GPD2: variants seen among roughly 807,000 people sequenced by gnomAD.
GPD2 encodes glycerol-3-phosphate dehydrogenase 2.
Under a neutral mutation model 82.4 loss-of-function variants are expected in GPD2, and 54 were observed. The observed-to-expected ratio is 0.66, with a 90% CI of 0.53 to 0.82. The LOEUF (loss-of-function observed/expected upper bound fraction) is 0.82. Ranked by LOEUF, GPD2 falls within the 40% of genes least tolerant of loss-of-function variation. The pLI is 0.00. For synonymous variants in GPD2, 288 were observed against 306.1 expected (o/e 0.94, Z 0.62); for missense variants, 748 against 896.2 (o/e 0.83, Z 2.11).
At chr2:156,435,634 G>A (rs910220155), upstream of GPD2, 5 of 152,290 alleles carry the variant, frequency 3.3e-5, no homozygotes, top group Admixed American at 1.3e-4. Flanking sequence ...AGGAGGCCTG[G>A]CGCGCCTCCA....
chr2:156,551,324 A>G (rs1686751497), intron 8 of GPD2, among the ~76,000 whole-genome samples: 2 of 152,190 alleles, frequency 1.3e-5, no homozygotes, highest in Non-Finnish European at 2.9e-5. Context: ...AATGAAAATC[A>G]TTTAAGCTGG....
At chr2:156,436,605 C>T (rs1358145444) in intron 1 of GPD2, 92 bp downstream of exon 1, 1 of 152,288 alleles carries the variant, frequency 6.6e-6, no homozygotes, top group Non-Finnish European at 1.5e-5. Flanking sequence ...TCTGGGACTC[C>T]AGTCTTGGCG....
At chr2:156,407,398 C>T in the GPD2 span, among the ~76,000 whole-genome samples, 2 of 152,162 alleles carry the variant, frequency 1.3e-5, no homozygotes, top group African/African-American at 2.4e-5. Flanking sequence ...TTTCTCCCCC[C>T]AGAAATATAT....
intron 9 of GPD2, among the ~76,000 whole-genome samples, 161 bp downstream of exon 9, chr2:156,557,743 G>T (rs545157466): frequency 6.6e-6 from 1 of 152,056 alleles, no homozygotes; most frequent in Non-Finnish European, 1.5e-5. Context: ...AACATAATGG[G>T]GAGAAATTGC....
intron 2 of GPD2, among the ~76,000 whole-genome samples, chr2:156,479,278 C>T (rs1683635797): frequency 6.6e-6 from 1 of 152,126 alleles, no homozygotes; most frequent in African/African-American, 2.4e-5. Flanking sequence ...GTTTCACTTA[C>T]CTTTAATGCA....
intron 4 of GPD2, among the ~76,000 whole-genome samples, chr2:156,511,555 A>G (rs1015345424): frequency 2.6e-4 from 39 of 152,070 alleles, no homozygotes; most frequent in Admixed American, 1.2e-3. Context: ...TTTTCTTGAC[A>G]AGTCAGTTTT....
intron 6 of GPD2, among the ~76,000 whole-genome samples, chr2:156,527,848 C>T (rs771283617): frequency 5.9e-5 from 9 of 151,826 alleles, no homozygotes; most frequent in South Asian, 2.1e-4. Flanking sequence ...GTTTTTAACC[C>T]GAGAAATCCT....
In GPD2 at chr2:156,510,830, C is replaced by T. The variant is rs1026314039; in HGVS notation, c.309C>T (p.Phe103=). The T allele has an allele frequency of 4.3e-6, 7 of 1,612,766 alleles. No individual in the cohort carries two copies. The South Asian group carries it at 4.4e-5, about 10-fold the overall frequency. ...CAGCCCTTGTAGAAAGAGATGATTT[C>T]TCATCAGGGACCAGCAGCAGAAGCA... The part of the protein sequence containing the change: ...LKTALVERDD[F]SSGTSSRSTK... Residue 103 remains phenylalanine, a synonymous_variant, in exon 4 of 17, where the codon TTC becomes TTT. Coordinates refer to ENST00000438166, the MANE Select transcript of GPD2 (RefSeq NM_000408.5).
chr2:156,569,471 A>G lies in GPD2; in HGVS notation c.1409A>G (p.Gln470Arg), dbSNP rs1687525505. Reference protein sequence around the residue: ...GPSRTVGLFLQGGKDWSPTLY... With the variant: ...GPSRTVGLFLRGGKDWSPTLY... ...AGTAGAACAGTTGGGCTTTTCCTTCAAGGGGGTAAAGATTGGAGCCCCACA... is the reference window on the plus strand; with the variant it reads ...AGTAGAACAGTTGGGCTTTTCCTTCGAGGGGGTAAAGATTGGAGCCCCACA... Residue 470 changes from glutamine (Q) to arginine (R), a missense_variant, in exon 11 of 17, where the codon CAA (glutamine) becomes CGA (arginine). This residue lies in a region of GPD2 where 692 missense variants were observed against 809.7 expected (regional missense o/e 0.85). Transcript: ENST00000438166. 1.2e-6 allele frequency: 2 copies of G among 1,612,654 alleles called. No individual in the cohort carries two copies. The highest frequency in any genetic ancestry group is 1.7e-6 in the Non-Finnish European group (2 of 1,178,956).
intron 9 of GPD2, among the ~76,000 whole-genome samples, chr2:156,561,040 CTT>C (rs35948070): frequency 5.4e-3 from 148 of 27,602 alleles, no homozygotes; most frequent in African/African-American, 0.015. Flanking sequence ...TGACATTAAG[CTT>C]TTTTTTTTTT....
intron 6 of GPD2, among the ~76,000 whole-genome samples, chr2:156,525,189 A>G (rs934151756): frequency 6.6e-6 from 1 of 152,190 alleles, no homozygotes; most frequent in Non-Finnish European, 1.5e-5. Context: ...AAACTCATGA[A>G]TTTGAAGTAT....
chr2:156,415,348 T>TG, the GPD2 span, among the ~76,000 whole-genome samples: 1 of 151,686 alleles, frequency 6.6e-6, no homozygotes, highest in African/African-American at 2.4e-5. Flanking sequence ...TTAGTAGAGA[T>TG]GGGGTTTCAC....
chr2:156,581,107 T>G (rs1688008629), intron 16 of GPD2, among the ~76,000 whole-genome samples: 1 of 152,140 alleles, frequency 6.6e-6, no homozygotes, highest in Admixed American at 6.6e-5. Flanking sequence ...TTTTCTTGAA[T>G]GCAGTTGAGT....
intron 6 of GPD2, among the ~76,000 whole-genome samples, chr2:156,535,437 G>GGAGAGA (rs34554584): frequency 1.5e-4 from 12 of 80,334 alleles, no homozygotes; most frequent in African/African-American, 5.6e-4. Context: ...AGGGGGGTGG[G>GGAGAGA]GAGAGAGAGA....
intron 3 of GPD2, among the ~76,000 whole-genome samples, chr2:156,500,491 T>C (rs1336692206): frequency 6.6e-6 from 1 of 152,212 alleles, no homozygotes; most frequent in Admixed American, 6.5e-5. Flanking sequence ...AAATTTTGCT[T>C]TCTCTGCATT....
intron 1 of GPD2, among the ~76,000 whole-genome samples, chr2:156,451,810 G>A (rs1303413463): frequency 3.3e-5 from 5 of 151,720 alleles, no homozygotes; most frequent in Middle Eastern, 3.2e-3. Flanking sequence ...CTTCCCAGAC[G>A]GGGTGGCTGC....
At chr2:156,564,557 G>A (rs760769492) in intron 9 of GPD2, among the ~76,000 whole-genome samples, 1 of 152,044 alleles carries the variant, frequency 6.6e-6, no homozygotes, top group Non-Finnish European at 1.5e-5. Flanking sequence ...AAGGTCCTGA[G>A]GAGTCATTAC....
In GPD2 at chr2:156,557,438, A is replaced by G; in HGVS notation, c.1021A>G (p.Ile341Val). The G allele has an allele frequency of 6.2e-7, 1 of 1,611,350 alleles. No individual in the cohort carries two copies. Residue 341 changes from isoleucine to valine, a missense_variant, in exon 9 of 17, where the codon ATT becomes GTT. Around this residue, in one of 3 missense-constraint regions of GPD2, gnomAD observed 692 missense variants for 809.7 expected, o/e 0.85. Coordinates refer to ENST00000438166, the MANE Select transcript of GPD2 (RefSeq NM_000408.5). ...CCCAGCGACCAGTGATGGGCGAGTTATTTTCTTCTTACCCTGGCAAAAGAT... is the reference window on the plus strand; with the variant it reads ...CCCAGCGACCAGTGATGGGCGAGTTGTTTTCTTCTTACCCTGGCAAAAGAT... ...LDPATSDGRVIFFLPWQKMTI... is the reference protein window; with the variant it reads ...LDPATSDGRVVFFLPWQKMTI...
At chr2:156,524,264 A>C (rs913277754) in intron 6 of GPD2, among the ~76,000 whole-genome samples, 2 of 150,852 alleles carry the variant, frequency 1.3e-5, no homozygotes, top group Admixed American at 6.7e-5. Context: ...GTAAATTGGT[A>C]GACTTGTCTC....
Sources: allele counts gnomAD v4.1 joint callset (sites outside exome capture counted in the v4.1 genomes callset), GRCh38; gene constraint gnomAD v4.1.1; regional missense constraint gnomAD v4.1.1; transcripts MANE v1.5; gene names NCBI Gene and HGNC (gene_info 2026-07-23, HGNC 2026-07-21).